Variants in NBPF10 observed in about 807,000 individuals in gnomAD.
NBPF10 encodes NBPF member 10.
A neutral mutation model predicts 77.9 loss-of-function variants in NBPF10; 63 were observed. That is an observed-to-expected ratio of 0.81 (90% CI 0.66 to 1.00). The LOEUF (loss-of-function observed/expected upper bound fraction) is 1.00, where lower values mean the gene tolerates loss of function less well. Among genes scored for constraint, NBPF10 ranks in the 50% least tolerant of loss-of-function variants. The probability of loss-of-function intolerance (pLI) is 0.00; values close to 1 mark genes in which losing one functional copy is unlikely to be tolerated. For missense variants in NBPF10, 522 were observed against 679.8 expected (o/e 0.77, Z 2.58); for synonymous variants, 146 against 264.5 (o/e 0.55, Z 4.35).
chr1:146,067,803 G>C (rs1306785515), intron 88 of NBPF10, among the ~76,000 whole-genome samples, 200 bp downstream of exon 88: 1 of 151,854 alleles, frequency 6.6e-6, no homozygotes. Context: ...CTGAGACTAG[G>C]AAGAGAGTCT....
chr1:146,126,393 C>A, exon 14 of NBPF10: 1 of 1,301,220 alleles, frequency 7.7e-7, no homozygotes, highest in Non-Finnish European at 1.1e-6. Context: ...TCTCATCCAG[C>A]AGCTCCCTGC....
At chr1:146,129,297 TA>T (rs1371982744) in intron 11 of NBPF10, among the ~76,000 whole-genome samples, 4 of 150,374 alleles carry the variant, frequency 2.7e-5, no homozygotes, top group Non-Finnish European at 5.9e-5. Context: ...GAGAAGACCT[TA>T]AATGACCTGA....
chr1:146,123,475 G>GACACAC (rs879248132), intron 17 of NBPF10, among the ~76,000 whole-genome samples, 197 bp from the exon 18 acceptor site: 24 of 33,644 alleles, frequency 7.1e-4, no homozygotes, highest in South Asian at 2.1e-3. Context: ...AAGACAGATA[G>GACACAC]ACACACACAC....
intron 89 of NBPF10, 31 bp downstream of exon 89, chr1:146,067,149 G>T (rs782406079): frequency 1.6e-6 from 1 of 624,802 alleles, no homozygotes; most frequent in South Asian, 1.6e-5. Flanking sequence ...TGTTAACACA[G>T]AACTAAGGAT....
At chr1:146,067,124 T>A (rs1655169079) in intron 89 of NBPF10, 56 bp downstream of exon 89, 1 of 626,796 alleles carries the variant, frequency 1.6e-6, no homozygotes, top group African/African-American at 1.8e-5. Flanking sequence ...TTTCCCTGAA[T>A]CTGTTGCCTC....
rs1278052304 is a variant in NBPF10, at chr1:146,118,374, C to CA, written c.3203dup (p.Glu1070ArgfsTer3). ...CCTTCATAGAAAGGTACTCACCTCC[C>CA]ACGTCAAGAGAAAAGCCAACATGGT... is the stretch of plus-strand genomic sequence containing the variant. On this transcript the variant is annotated frameshift_variant, in exon 24 of 90. Transcript: ENST00000583866. LOFTEE classifies it high-confidence loss of function. The CA allele has an allele frequency of 6.4e-4, 99 of 153,574 alleles. 1 individual carries two copies. Among genetic ancestry groups the CA allele is most frequent in the Admixed American group, 1.2e-3 (6 of 4,866 alleles). 9.5% of individuals were successfully genotyped at this position (153,574 alleles called of 1,614,324 possible).
At chr1:146,125,888 G>T (rs1658549820) in intron 14 of NBPF10, among the ~76,000 whole-genome samples, 1 of 151,386 alleles carries the variant, frequency 6.6e-6, no homozygotes, top group East Asian at 1.9e-4. Flanking sequence ...TGGTAGCGAG[G>T]ATTTTAGACG....
chr1:146,123,519 C>A (rs878905874), intron 17 of NBPF10, among the ~76,000 whole-genome samples: 3 of 93,606 alleles, frequency 3.2e-5, no homozygotes, highest in Admixed American at 1.1e-4. Context: ...CACACACACA[C>A]ACACACAGAG....
At chr1:146,067,524 T>G (rs1172611334) in intron 88 of NBPF10, among the ~76,000 whole-genome samples, 2 of 149,196 alleles carry the variant, frequency 1.3e-5, no homozygotes, top group African/African-American at 5.0e-5. Context: ...CAATATCATT[T>G]GTCCCAAGTT....
chr1:146,121,659 T>G (rs1658182196), exon 20 of NBPF10: 1 of 607,712 alleles, frequency 1.6e-6, no homozygotes, highest in African/African-American at 2.1e-5. Context: ...ATCCAGCAGC[T>G]CCCTGCTGAG....
chr1:146,126,046 C>T (rs1401782929), intron 14 of NBPF10, among the ~76,000 whole-genome samples, 190 bp downstream of exon 14: 1 of 151,680 alleles, frequency 6.6e-6, no homozygotes, highest in Admixed American at 6.6e-5. Context: ...AGGAAGAGAG[C>T]CTTGCTCACT....
chr1:146,067,893 GC>G (rs1655337139), intron 88 of NBPF10, 109 bp downstream of exon 88: 1 of 699,658 alleles, frequency 1.4e-6, no homozygotes, highest in South Asian at 1.5e-5. Context: ...CATAGGTCCT[GC>G]CTGCGGCAAT....
At position 146,141,743 on chromosome 1, in the gene NBPF10, A is replaced by C. The variant is rs1386430330; in HGVS notation, c.354T>G (p.Asp118Glu). 21 of 1,329,064 alleles carry C rather than the reference A, an allele frequency of 1.6e-5. No homozygotes were observed. The African/African-American group carries it at 1.8e-4, about 12-fold the overall frequency. 82.3% of individuals were successfully genotyped at this position (1,329,064 alleles called of 1,614,324 possible). A position where few individuals can be genotyped will look rare whatever the true frequency, so the allele number is the denominator to read the frequency against. Reference sequence around the variant, plus strand: ...GATGCTCATACAATGAGCGGGAGGCATCTCTCCCTTCCCGTAACTTCTCCC... The same window carrying C: ...GATGCTCATACAATGAGCGGGAGGCCTCTCTCCCTTCCCGTAACTTCTCCC... Residue 118 changes from aspartate (D) to glutamate (E), a missense_variant, in exon 3 of 90, where the codon GAT becomes GAG. Coordinates refer to ENST00000583866, the Ensembl canonical transcript of NBPF10.
At chr1:146,137,223 A>G (rs2102212977) in intron 6 of NBPF10, among the ~76,000 whole-genome samples, 1 of 90,480 alleles carries the variant, frequency 1.1e-5, no homozygotes, top group Non-Finnish European at 2.6e-5. Context: ...ACTTGGATGG[A>G]GCCCAGGAGA....
At position 146,141,892 on chromosome 1, in the gene NBPF10, T is replaced by C. The variant is rs587704969; in HGVS notation, c.279-74A>G. 7 of 1,156,008 alleles carry C rather than the reference T, an allele frequency of 6.1e-6. 1 individual carries two copies. In the East Asian group the frequency reaches 1.6e-4, roughly 26 times the overall value. The allele number at this position is 1,156,008 out of a possible 1,614,324, so 71.6% of individuals were successfully genotyped here. A position where few individuals can be genotyped will look rare whatever the true frequency, so the allele number is the denominator to read the frequency against. On this transcript the variant is annotated intron_variant, in intron 2 of 89. Coordinates refer to ENST00000583866, the Ensembl canonical transcript of NBPF10. ...TCCGTTCAAATATTGCAACAGAGACTTCTGAGACAATGTCGTCAAGGAGAC... is the reference window on the plus strand; with the variant it reads ...TCCGTTCAAATATTGCAACAGAGACCTCTGAGACAATGTCGTCAAGGAGAC...
In NBPF10 at chr1:146,067,301, C is replaced by A. The variant is rs782280644; in HGVS notation, c.11036-13G>T. 1.7e-4 allele frequency: 86 copies of A among 504,466 alleles called. 4 individuals are homozygous for A. The highest frequency in any genetic ancestry group is 1.5e-3 in the South Asian group (83 of 55,946). 31.2% of individuals were successfully genotyped at this position (504,466 alleles called of 1,614,324 possible). The stretch of plus-strand genomic sequence containing the variant: ...TTCTTTTCAATTTCTGCAATAAATT[C>A]AGACATGGACAGACACATTAAGCTG... On this transcript the variant is annotated splice_polypyrimidine_tract_variant and intron_variant, in intron 88 of 89. Transcript: ENST00000583866.
rs1396732667 is a variant in NBPF10, at chr1:146,125,951, A to G, written c.2026+285T>C. Among the ~76,000 whole-genome samples, 2 of 151,672 alleles carry G rather than the reference A, an allele frequency of 1.3e-5. 1 individual carries two copies. The highest frequency in any genetic ancestry group is 4.8e-5 in the African/African-American group (2 of 41,272). ...ACAAGATCTACAAAATTTAGACAAA[A>G]TCAGAGTTGTGTGAATTTGTCATAT... On this transcript the variant is annotated intron_variant, in intron 14 of 89. Coordinates refer to ENST00000583866, the Ensembl canonical transcript of NBPF10.
At chr1:146,126,596 G>GACACACACACACACACACACAC (rs56881979) in intron 13 of NBPF10, among the ~76,000 whole-genome samples, 188 bp from the exon 14 acceptor site, 1 of 113,608 alleles carries the variant, frequency 8.8e-6, no homozygotes, top group African/African-American at 3.1e-5. Flanking sequence ...GAACGAGAAA[G>GACACACACACACACACACACAC]ACACACACAC....
At chr1:146,067,533 T>A (rs1203287365) in intron 88 of NBPF10, among the ~76,000 whole-genome samples, 10 of 149,574 alleles carry the variant, frequency 6.7e-5, no homozygotes, top group Admixed American at 4.7e-4. Context: ...TTGTCCCAAG[T>A]TTGTGCAAAC....
Sources: allele counts gnomAD v4.1 joint callset (sites outside exome capture counted in the v4.1 genomes callset), GRCh38; gene constraint gnomAD v4.1.1; transcripts MANE v1.5; gene names NCBI Gene and HGNC (gene_info 2026-07-23, HGNC 2026-07-21).